Variants in DAB1 observed in about 807,000 individuals in gnomAD.
DAB1 encodes the protein DAB adaptor protein 1, also known as disabled homolog 1.
In DAB1, 15 loss-of-function variants were observed where a neutral mutation model predicts 64.6. The ratio of observed to expected loss-of-function variants is 0.23; its 90% CI spans 0.16 to 0.36. The LOEUF (loss-of-function observed/expected upper bound fraction) is 0.36, where lower values mean the gene tolerates loss of function less well. Among genes scored for constraint, DAB1 ranks in the 10% least tolerant of loss-of-function variants. DAB1 has a pLI of 1.00. For missense variants in DAB1, 596 were observed against 706.7 expected (o/e 0.84, Z 1.78); for synonymous variants, 235 against 251.9 (o/e 0.93, Z 0.64).
intron 3 of DAB1, among the ~76,000 whole-genome samples, chr1:58,395,696 A>G (rs1316887224): frequency 1.3e-5 from 2 of 152,230 alleles, no homozygotes; most frequent in Non-Finnish European, 2.9e-5. Flanking sequence ...CAGAAAGAAG[A>G]CAGCCAGGCA....
At chr1:57,560,624 C>G (rs1645039189) in intron 7 of DAB1, among the ~76,000 whole-genome samples, 1 of 152,202 alleles carries the variant, frequency 6.6e-6, no homozygotes, top group African/African-American at 2.4e-5. Context: ...ACCCCGAAGG[C>G]TGCCAGTTTT....
At chr1:58,510,757 TAATA>T (rs1006855382) in intron 2 of DAB1, among the ~76,000 whole-genome samples, 3 of 152,090 alleles carry the variant, frequency 2.0e-5, no homozygotes, top group African/African-American at 7.2e-5. Flanking sequence ...CTGCTAGAAC[TAATA>T]AATAAATTCA....
intron 5 of DAB1, among the ~76,000 whole-genome samples, chr1:57,939,088 G>A (rs1645066316): frequency 1.3e-5 from 2 of 152,126 alleles, no homozygotes. Flanking sequence ...TCTGGAGGCT[G>A]AAAGTCTGAG....
In DAB1 at chr1:57,423,981, G is replaced by C. The variant is rs1368829419; in HGVS notation, c.-188C>G. 1 of 152,082 alleles carries C rather than the reference G, an allele frequency of 6.6e-6. No homozygotes were observed. The highest frequency in any genetic ancestry group is 1.5e-5 in the Non-Finnish European group (1 of 68,108). The allele number at this position is 152,082 out of a possible 1,614,324, so 9.4% of individuals were successfully genotyped here. On this transcript the variant is annotated 5_prime_UTR_variant, in exon 1 of 15. Coordinates refer to ENST00000371236, the MANE Select transcript of DAB1 (RefSeq NM_001365792.1). ...CGCTGCCGCAGCCGCCCAGGAAGCG[G>C]CTCCCCATGCCCGGCGGGCGGCGGC...
chr1:57,554,309 T>C (rs1224519790), intron 7 of DAB1, among the ~76,000 whole-genome samples: 2 of 152,258 alleles, frequency 1.3e-5, no homozygotes, highest in Non-Finnish European at 2.9e-5. Context: ...TGCCACTTAA[T>C]AGCTGTGTAA....
intron 5 of DAB1, among the ~76,000 whole-genome samples, chr1:58,052,055 C>A (rs907940534): frequency 1.3e-5 from 2 of 152,158 alleles, no homozygotes; most frequent in African/African-American, 4.8e-5. Flanking sequence ...TTAATTAGAT[C>A]CCATTTGTCT....
At chr1:57,282,147 C>T (rs1164325417) in intron 2 of DAB1, among the ~76,000 whole-genome samples, 1 of 142,388 alleles carries the variant, frequency 7.0e-6, no homozygotes, top group Non-Finnish European at 1.5e-5. Flanking sequence ...CACACCACTG[C>T]ACTCCAGCCT....
At chr1:57,017,512 A>G (rs1340119003) in intron 11 of DAB1, among the ~76,000 whole-genome samples, 4 of 152,200 alleles carry the variant, frequency 2.6e-5, no homozygotes, top group South Asian at 4.1e-4. Context: ...GATACAGGCT[A>G]GAGCCAATAT....
At chr1:58,497,599 G>GT (rs1645824676) in intron 3 of DAB1, among the ~76,000 whole-genome samples, 1 of 142,008 alleles carries the variant, frequency 7.0e-6, no homozygotes, top group Non-Finnish European at 1.5e-5. Context: ...AGACATAGGG[G>GT]AAGTTCTGAA....
At chr1:57,790,793 A>C (rs1650558960) in intron 6 of DAB1, among the ~76,000 whole-genome samples, 1 of 152,204 alleles carries the variant, frequency 6.6e-6, no homozygotes, top group Admixed American at 6.5e-5. Context: ...ATGGCGAATA[A>C]CATCATGTTT....
Position 57,439,418 on chromosome 1 carries a change from G to GTTTTTTTTGTTTGTTTTTTTTTGTTTT in DAB1, n.626-148253_626-148252insAAAACAAAAAAAAACAAACAAAAAAAA. 2.6e-5 allele frequency among the ~76,000 whole-genome samples: 3 copies of GTTTTTTTTGTTTGTTTTTTTTTGTTTT among 116,140 alleles called. 1 individual carries two copies. In the South Asian group the frequency reaches 9.6e-4, roughly 37 times the overall value. 76.2% of individuals were successfully genotyped at this position (116,140 alleles called of 152,430 possible). A position where few individuals can be genotyped will look rare whatever the true frequency, so the allele number is the denominator to read the frequency against. ...GCCATGCCATCAACTTGGTGATGAG[G>GTTTTTTTTGTTTGTTTTTTTTTGTTTT]TTTTTTCTTTTTTTTTTTTTTTTTT... On this transcript the variant is annotated intron_variant and non_coding_transcript_variant, in intron 7 of 20. Transcript: ENST00000485760.
intron 5 of DAB1, among the ~76,000 whole-genome samples, chr1:57,925,265 C>T (rs1477496475): frequency 6.6e-6 from 1 of 152,182 alleles, no homozygotes; most frequent in Non-Finnish European, 1.5e-5. Flanking sequence ...ATTGTTCAGA[C>T]CTCTGGGGTA....
chr1:57,013,531 G>A, intron 12 of DAB1, among the ~76,000 whole-genome samples: 1 of 152,172 alleles, frequency 6.6e-6, no homozygotes. Flanking sequence ...AGTGCAAGTG[G>A]GTTGTTTATA....
chr1:57,200,208 T>G (rs264041), intron 2 of DAB1, among the ~76,000 whole-genome samples: 70,201 of 151,988 alleles, frequency 0.46, 16,422 homozygotes, highest in Middle Eastern at 0.56. Context: ...TGGTTCTGTT[T>G]CCCTTTAGCC....
chr1:58,228,763 T>G (rs1448961523), intron 4 of DAB1: 1 of 900,220 alleles, frequency 1.1e-6, no homozygotes, highest in African/African-American at 1.7e-5. Context: ...ATGGCATAGG[T>G]GGTTATGCAA....
chr1:57,308,735 C>T (rs1030813471), intron 1 of DAB1, among the ~76,000 whole-genome samples: 1 of 152,084 alleles, frequency 6.6e-6, no homozygotes. Context: ...AAATGAAGTT[C>T]TCTCAATACC....
chr1:58,523,164 T>G (rs1024385890), intron 2 of DAB1, among the ~76,000 whole-genome samples: 6 of 152,214 alleles, frequency 3.9e-5, no homozygotes, highest in Non-Finnish European at 8.8e-5. Flanking sequence ...CCTGATAAGG[T>G]GTTTCTATTA....
In DAB1 at chr1:57,554,229, A is replaced by G. The variant is rs75978398; in HGVS notation, n.625+95363T>C. On this transcript the variant is annotated intron_variant and non_coding_transcript_variant, in intron 7 of 20. Coordinates refer to the DAB1 transcript ENST00000485760. The stretch of plus-strand genomic sequence containing the variant: ...GGAGGTAAAAATCCCATATAATCCA[A>G]TAATCTTGGAGAAGTGCAATGCAGT... Among the ~76,000 whole-genome samples, 1,388 of 152,354 alleles carry G rather than the reference A, an allele frequency of 9.1e-3. 16 individuals carry two copies. The highest frequency in any genetic ancestry group is 0.031 in the African/African-American group (1,282 of 41,582).
At chr1:56,998,657 T>C (rs1226263584) in intron 14 of DAB1, among the ~76,000 whole-genome samples, 3 of 152,210 alleles carry the variant, frequency 2.0e-5, no homozygotes, top group African/African-American at 7.2e-5. Flanking sequence ...AAATTGCTCT[T>C]CTACAAATAG....
Sources: allele counts gnomAD v4.1 joint callset (sites outside exome capture counted in the v4.1 genomes callset), GRCh38; gene constraint gnomAD v4.1.1; transcripts MANE v1.5; gene names NCBI Gene and HGNC (gene_info 2026-07-23, HGNC 2026-07-21).